The following PHIP variants were observed in gnomAD, a reference collection of about 807,000 sequenced individuals.
PHIP encodes PH-interacting protein.
A neutral mutation model predicts 236.8 loss-of-function variants in PHIP; 54 were observed. The ratio of observed to expected loss-of-function variants is 0.23; its 90% confidence interval spans 0.18 to 0.29. The LOEUF (loss-of-function observed/expected upper bound fraction) is 0.29, where lower values mean the gene tolerates loss of function less well. PHIP is among the 10% of genes least tolerant of loss of function. The pLI, the probability that PHIP is intolerant of heterozygous loss-of-function variation, is 1.00. For synonymous variants in PHIP, 756 were observed against 718.9 expected, an observed-to-expected ratio of 1.05 and a Z score of -0.83; for missense variants, 1,370 against 2,190.8, an observed-to-expected ratio of 0.63 and a Z score of 7.48.
intron 4 of PHIP, among the ~76,000 whole-genome samples, chr6:79,073,082 G>A (rs1198439470): frequency 6.6e-6 from 1 of 152,116 alleles, no homozygotes; most frequent in Non-Finnish European, 1.5e-5. Context: ...AAACCATTAT[G>A]GTTTGGGAAA....
At chr6:78,967,018 C>A (rs1767187500) in intron 27 of PHIP, among the ~76,000 whole-genome samples, 1 of 152,152 alleles carries the variant, frequency 6.6e-6, no homozygotes, top group Admixed American at 6.5e-5. Context: ...CACATTTTGA[C>A]ACACAGTTAA....
rs1010761275 is a variant in PHIP, at chr6:78,938,016, C to G, written c.*2677G>C. On this transcript the variant is annotated 3_prime_UTR_variant, in exon 40 of 40. Transcript: ENST00000275034. ...CCAATATTTCTTTCTGGCCTATTAA[C>G]AGTACATACATAGTGTTACTGCCTC... 2 of 151,736 alleles carry G rather than the reference C, an allele frequency of 1.3e-5. No homozygotes were observed. The allele number at this position is 151,736 out of a possible 1,614,324, so 9.4% of individuals were successfully genotyped here. A position where few individuals can be genotyped will look rare whatever the true frequency, so the allele number is the denominator to read the frequency against.
intron 4 of PHIP, among the ~76,000 whole-genome samples, chr6:79,074,043 T>C (rs1302872967): frequency 6.6e-6 from 1 of 152,184 alleles, no homozygotes; most frequent in Admixed American, 6.5e-5. Flanking sequence ...AGAAATTCCA[T>C]GACTTGCCCA....
intron 4 of PHIP, among the ~76,000 whole-genome samples, chr6:79,070,924 A>C (rs1209582082): frequency 6.6e-6 from 1 of 152,204 alleles, no homozygotes; most frequent in Non-Finnish European, 1.5e-5. Flanking sequence ...GCAGATAAGG[A>C]AGGCCTGCTG....
intron 7 of PHIP, among the ~76,000 whole-genome samples, chr6:79,028,384 A>AT (rs1771508063): frequency 6.6e-6 from 1 of 152,180 alleles, no homozygotes; most frequent in Non-Finnish European, 1.5e-5. Context: ...TCAGGAGAGA[A>AT]TAAGTGGTAA....
chr6:78,941,871 A>T (rs1773519793), intron 39 of PHIP, among the ~76,000 whole-genome samples: 1 of 152,198 alleles, frequency 6.6e-6, no homozygotes, highest in Non-Finnish European at 1.5e-5. Context: ...CTCCATGATA[A>T]AAGGCCATTA....
chr6:79,007,898 G>A (rs1770371801), intron 15 of PHIP, among the ~76,000 whole-genome samples: 1 of 151,802 alleles, frequency 6.6e-6, no homozygotes, highest in Non-Finnish European at 1.5e-5. Context: ...CCAACCTAGG[G>A]AAAAATATGT....
At chr6:78,953,811 C>T (rs1048915027) in intron 35 of PHIP, among the ~76,000 whole-genome samples, 4 of 152,066 alleles carry the variant, frequency 2.6e-5, no homozygotes, top group Non-Finnish European at 4.4e-5. Flanking sequence ...GTCTTGAACT[C>T]CTGGCCTCAG....
At chr6:79,015,358 T>C (rs966378382) in intron 14 of PHIP, 142 bp from the exon 15 acceptor site, 3 of 695,336 alleles carry the variant, frequency 4.3e-6, no homozygotes, top group Admixed American at 2.8e-5. Flanking sequence ...AAATTTGTCA[T>C]GTATATATAA....
At chr6:79,008,163 C>T (rs1770393728) in intron 15 of PHIP, among the ~76,000 whole-genome samples, 1 of 151,436 alleles carries the variant, frequency 6.6e-6, no homozygotes, top group South Asian at 2.1e-4. Flanking sequence ...TGCACTCCAG[C>T]CTGGTGACAG....
At position 78,965,701 on chromosome 6, in the gene PHIP, A is replaced by C; in HGVS notation, c.3379+2T>G. ...GAAACAAAAAGCCTAACACACACTT[A>C]CCATTATTAGGTATAAGCTCCATAT... On this transcript the variant is annotated splice_donor_variant, in intron 29 of 39. Transcript: ENST00000275034. LOFTEE classifies it high-confidence loss of function. 1 of 1,509,556 alleles carries C rather than the reference A, an allele frequency of 6.6e-7. No individual in the cohort carries two copies. 93.5% of individuals were successfully genotyped at this position (1,509,556 alleles called of 1,614,324 possible). A position where few individuals can be genotyped will look rare whatever the true frequency, so the allele number is the denominator to read the frequency against.
chr6:78,982,770 T>G (rs1300668544), intron 23 of PHIP, 116 bp downstream of exon 23: 1 of 639,588 alleles, frequency 1.6e-6, no homozygotes, highest in African/African-American at 1.9e-5. Context: ...TCTGAGTTTT[T>G]TCTATTATTA....
At chr6:79,044,974 C>T (rs1024834181) in intron 6 of PHIP, among the ~76,000 whole-genome samples, 50 of 152,130 alleles carry the variant, frequency 3.3e-4, no homozygotes, top group African/African-American at 1.2e-3. Flanking sequence ...AAAGAATAAC[C>T]TTTTCAAAGT....
chr6:78,947,294 T>C (rs1254581826), intron 36 of PHIP, among the ~76,000 whole-genome samples: 1 of 152,200 alleles, frequency 6.6e-6, no homozygotes, highest in African/African-American at 2.4e-5. Context: ...TATTTTTACT[T>C]ATTTGTAAAA....
chr6:79,077,337 G>A (rs1294388479), intron 4 of PHIP, 111 bp downstream of exon 4: 5 of 1,028,196 alleles, frequency 4.9e-6, no homozygotes, highest in Non-Finnish European at 7.5e-6. Flanking sequence ...ATGGCCTTTG[G>A]AGCTTTCACG....
intron 14 of PHIP, 45 bp downstream of exon 14, chr6:79,015,584 TA>T (rs1367506704): frequency 2.2e-6 from 3 of 1,357,324 alleles, no homozygotes; most frequent in Non-Finnish European, 3.1e-6. Context: ...TTTCATTCTA[TA>T]GTCAGCTTCA....
intron 4 of PHIP, among the ~76,000 whole-genome samples, chr6:79,064,999 C>G (rs1468469349): frequency 1.3e-5 from 2 of 152,156 alleles, no homozygotes; most frequent in Non-Finnish European, 2.9e-5. Flanking sequence ...TTTATCCAAC[C>G]TTGGAAGCCA....
In PHIP at chr6:78,966,077, A is replaced by C; in HGVS notation, c.3206-21T>G. ...GTCACCTGGCCAAGAACAAAAACTA[A>C]CTCATCATTCTGAAATGCATGGCTG... On this transcript the variant is annotated intron_variant, in intron 27 of 39. Coordinates refer to ENST00000275034, the MANE Select transcript of PHIP (RefSeq NM_017934.7). 7.0e-7 allele frequency: 1 copy of C among 1,436,666 alleles called. No homozygotes were observed. The highest frequency in any genetic ancestry group is 9.8e-7 in the Non-Finnish European group (1 of 1,018,648). 89.0% of individuals were successfully genotyped at this position (1,436,666 alleles called of 1,614,324 possible).
In PHIP at chr6:78,978,728, A is replaced by G. The variant is rs1768292146; in HGVS notation, c.2770-17T>C. ...AGCCAATCTCTGACAAAATTTAAGTAATAATTGTTAAGTAATAATCAAAAA... is the reference window on the plus strand; with the variant it reads ...AGCCAATCTCTGACAAAATTTAAGTGATAATTGTTAAGTAATAATCAAAAA... On this transcript the variant is annotated splice_polypyrimidine_tract_variant and intron_variant, in intron 23 of 39. Coordinates refer to ENST00000275034, the MANE Select transcript of PHIP (RefSeq NM_017934.7). The G allele has an allele frequency of 6.3e-7, 1 of 1,581,090 alleles. No homozygotes were observed. Among genetic ancestry groups the G allele is most frequent in the East Asian group, 2.3e-5 (1 of 44,440 alleles).
Sources: gnomAD v4.1 joint callset for allele counts (sites outside exome capture counted in the v4.1 genomes callset) on GRCh38, gnomAD v4.1.1 for gene constraint, MANE v1.5 for transcripts, NCBI Gene and HGNC (gene_info 2026-07-23, HGNC 2026-07-21) for gene names.